THEM4: variants seen among roughly 807,000 people sequenced by gnomAD.
THEM4 encodes the protein acyl-coenzyme A thioesterase THEM4.
A neutral mutation model predicts 25.0 loss-of-function variants in THEM4; 22 were observed. The ratio of observed to expected loss-of-function variants is 0.88; its 90% CI spans 0.63 to 1.26. The LOEUF (loss-of-function observed/expected upper bound fraction) is 1.26. Ranked by LOEUF, THEM4 falls within the 50% of genes most tolerant of loss-of-function variation. The pLI, the probability that THEM4 is intolerant of heterozygous loss-of-function variation, is 0.00. For missense variants in THEM4, 286 were observed against 300.3 expected, an observed-to-expected ratio of 0.95 and a Z score of 0.35; for synonymous variants, 113 against 105.6, an observed-to-expected ratio of 1.07 and a Z score of -0.43.
intron 1 of THEM4, among the ~76,000 whole-genome samples, chr1:151,898,175 G>A (rs1436630554): frequency 1.3e-5 from 2 of 152,194 alleles, no homozygotes; most frequent in Non-Finnish European, 2.9e-5. Flanking sequence ...GCAGCTGGGA[G>A]GTGGAAAGCC....
chr1:151,906,568 C>T (rs1036139224), intron 1 of THEM4, among the ~76,000 whole-genome samples: 2 of 152,346 alleles, frequency 1.3e-5, no homozygotes, highest in South Asian at 4.1e-4. Flanking sequence ...AGCCCCAGTG[C>T]GAGATCCACT....
intron 2 of THEM4, chr1:151,894,733 T>C: frequency 1.7e-6 from 1 of 582,064 alleles, no homozygotes; most frequent in Middle Eastern, 4.5e-4. Context: ...GGTGATGAGG[T>C]TGTAGGAGGG....
chr1:151,881,509 T>G (rs896972693), intron 4 of THEM4, among the ~76,000 whole-genome samples: 3 of 152,262 alleles, frequency 2.0e-5, no homozygotes, highest in Non-Finnish European at 2.9e-5. Context: ...GTCCTGCTGT[T>G]CCATAAATTC....
At chr1:151,886,908 G>T (rs1351611046) in intron 4 of THEM4, among the ~76,000 whole-genome samples, 2 of 152,120 alleles carry the variant, frequency 1.3e-5, no homozygotes, top group African/African-American at 4.8e-5. Context: ...CCTAGCCAGA[G>T]CAATTAGGCA....
rs200300468 is a variant in THEM4, at chr1:151,887,482, T to TA, written c.557+790dup. On this transcript the variant is annotated intron_variant, in intron 4 of 5. Coordinates refer to ENST00000368814, the MANE Select transcript of THEM4 (RefSeq NM_053055.5). ...TTAAAAATAAAAAAATCAAAAAGAA[T>TA]AAAATACATAGGAATAAACTTAACC... Among the ~76,000 whole-genome samples the TA allele has an allele frequency of 8.9e-3, 1,351 of 151,660 alleles. 27 individuals carry two copies. The highest frequency in any genetic ancestry group is 0.031 in the African/African-American group (1,299 of 41,376).
intron 1 of THEM4, among the ~76,000 whole-genome samples, chr1:151,899,482 C>CAA (rs58168472): frequency 0.041 from 3,893 of 94,520 alleles, 88 homozygotes; most frequent in African/African-American, 0.068. Context: ...CAGAGTGAGT[C>CAA]AAAAAAAAAA....
At chr1:151,881,682 C>T (rs1326201005) in intron 4 of THEM4, among the ~76,000 whole-genome samples, 1 of 152,154 alleles carries the variant, frequency 6.6e-6, no homozygotes, top group African/African-American at 2.4e-5. Flanking sequence ...TGTAATGGTG[C>T]CCTCTTGCTT....
chr1:151,891,101 G>A (rs1235376676), intron 2 of THEM4: 2 of 152,166 alleles, frequency 1.3e-5, no homozygotes, highest in African/African-American at 4.8e-5. Context: ...CCTTTGTGAT[G>A]GTGAAAGAAG....
At chr1:151,900,648 T>C (rs1256961258) in intron 1 of THEM4, among the ~76,000 whole-genome samples, 1 of 152,114 alleles carries the variant, frequency 6.6e-6, no homozygotes, top group Non-Finnish European at 1.5e-5. Flanking sequence ...CCTAAACATA[T>C]ATGCACCTAA....
chr1:151,883,075 G>C (rs1276454242), intron 4 of THEM4, among the ~76,000 whole-genome samples: 1 of 144,532 alleles, frequency 6.9e-6, no homozygotes, highest in Admixed American at 7.1e-5. Context: ...GAGAGTGCAA[G>C]GGGGGATCTG....
chr1:151,898,597 C>A (rs751180229), intron 1 of THEM4, among the ~76,000 whole-genome samples: 2 of 152,258 alleles, frequency 1.3e-5, no homozygotes, highest in Non-Finnish European at 2.9e-5. Flanking sequence ...CTGATGCTTT[C>A]TGGAAAGTGC....
intron 2 of THEM4, 38 bp from the exon 3 acceptor site, chr1:151,889,411 G>A (rs896857987): frequency 6.2e-7 from 1 of 1,601,118 alleles, no homozygotes; most frequent in African/African-American, 1.3e-5. Context: ...GAGAAACAAG[G>A]GTGAGAGAAA....
chr1:151,900,101 A>G (rs959295303), intron 1 of THEM4, among the ~76,000 whole-genome samples: 4 of 152,206 alleles, frequency 2.6e-5, no homozygotes, highest in African/African-American at 9.7e-5. Flanking sequence ...CAGACAAACA[A>G]ATACTGAGAG....
chr1:151,909,389 G>A lies in THEM4; in HGVS notation c.70C>T (p.Leu24=). 1.3e-6 allele frequency: 2 copies of A among 1,505,840 alleles called. No homozygotes were observed. The highest frequency in any genetic ancestry group is 8.8e-7 in the Non-Finnish European group (1 of 1,133,720). 93.3% of individuals were successfully genotyped at this position (1,505,840 alleles called of 1,614,324 possible). The change falls in exon 1 of 6, where the codon CTG becomes TTG. Residue 24 remains leucine, a synonymous_variant. Coordinates refer to ENST00000368814, the MANE Select transcript of THEM4 (RefSeq NM_053055.5). ...TCGGGTCGCGGCTCGCTTCCCGGCA[G>A]GCGCCGGCCTACTGGCGGCAGGCAC... is the stretch of plus-strand genomic sequence containing the variant. The part of the protein sequence containing the change: ...ALCLPPVGRR[L]PGSEPRPELR...
intron 1 of THEM4, among the ~76,000 whole-genome samples, chr1:151,907,717 T>C (rs972301973): frequency 1.3e-5 from 2 of 152,216 alleles, no homozygotes; most frequent in African/African-American, 4.8e-5. Context: ...CTTTTGGTCT[T>C]ATGGCATTCC....
intron 4 of THEM4, among the ~76,000 whole-genome samples, chr1:151,878,889 T>TGCACAC (rs1553299201): frequency 1.6e-5 from 2 of 127,608 alleles, no homozygotes; most frequent in African/African-American, 6.0e-5. Context: ...TGTATATGTC[T>TGCACAC]ATACACACAC....
At chr1:151,903,136 T>C (rs903919795) in intron 1 of THEM4, among the ~76,000 whole-genome samples, 1 of 152,074 alleles carries the variant, frequency 6.6e-6, no homozygotes, top group African/African-American at 2.4e-5. Context: ...TCTTTTTCCA[T>C]ATATATATAT....
intron 4 of THEM4, among the ~76,000 whole-genome samples, chr1:151,879,645 CTTTCT>C (rs781330840): frequency 1.1e-4 from 16 of 147,280 alleles, no homozygotes; most frequent in East Asian, 2.0e-4. Flanking sequence ...CATTTTCTTT[CTTTCT>C]TTTCTTTTCT....
At chr1:151,889,046 T>C (rs1654031426) in intron 3 of THEM4, among the ~76,000 whole-genome samples, 168 bp downstream of exon 3, 1 of 152,130 alleles carries the variant, frequency 6.6e-6, no homozygotes, top group Non-Finnish European at 1.5e-5. Flanking sequence ...ATATTAATAA[T>C]ATAGATAAGA....
Sources: allele counts gnomAD v4.1 joint callset (sites outside exome capture counted in the v4.1 genomes callset), GRCh38; gene constraint gnomAD v4.1.1; transcripts MANE v1.5; gene names NCBI Gene and HGNC (gene_info 2026-07-23, HGNC 2026-07-21).